PDE8B: variants seen among roughly 807,000 people sequenced by gnomAD.
PDE8B encodes high affinity cAMP-specific and IBMX-insensitive 3',5'-cyclic phosphodiesterase 8B.
PDE8B carries 26 observed loss-of-function variants against 101.3 expected under a neutral mutation model. That is an observed-to-expected ratio of 0.26 (90% CI 0.19 to 0.36). The LOEUF (loss-of-function observed/expected upper bound fraction) is 0.36. Among genes scored for constraint, PDE8B ranks in the 10% least tolerant of loss-of-function variants. The pLI is 1.00. For missense variants in PDE8B, 810 were observed against 1,163.1 expected (o/e 0.70, Z 4.42); for synonymous variants, 424 against 429.3 (o/e 0.99, Z 0.15).
intron 1 of PDE8B, among the ~76,000 whole-genome samples, chr5:77,232,494 G>A (rs537554016): frequency 4.6e-5 from 7 of 152,202 alleles, no homozygotes; most frequent in Admixed American, 1.3e-4. Flanking sequence ...AATGTCTTTC[G>A]TAGCTCATAG....
At chr5:77,425,959 G>A in intron 21 of PDE8B, 63 bp downstream of exon 21, 1 of 1,480,360 alleles carries the variant, frequency 6.8e-7, no homozygotes, top group Middle Eastern at 1.9e-4. Context: ...ATTATCTTTA[G>A]TGACACAGGG....
the PDE8B span, among the ~76,000 whole-genome samples, chr5:77,115,904 C>T: frequency 2.6e-5 from 4 of 152,096 alleles, no homozygotes; most frequent in Non-Finnish European, 4.4e-5. Context: ...TTAACGTGAA[C>T]AATTTCATTC....
chr5:77,288,750 A>G (rs1416652054), intron 1 of PDE8B, among the ~76,000 whole-genome samples: 1 of 152,034 alleles, frequency 6.6e-6, no homozygotes, highest in Non-Finnish European at 1.5e-5. Flanking sequence ...TGATTTGTCC[A>G]TGACCACACA....
chr5:77,312,105 CT>C (rs11395504), intron 2 of PDE8B, 52 bp downstream of exon 2: 43,132 of 841,342 alleles, frequency 0.051, no homozygotes, highest in Non-Finnish European at 0.062. Context: ...TTTTTTTTTT[CT>C]TTTTTTTTTT....
chr5:77,287,691 T>G (rs1766342594), intron 1 of PDE8B, among the ~76,000 whole-genome samples: 1 of 152,314 alleles, frequency 6.6e-6, no homozygotes, highest in Middle Eastern at 3.4e-3. Context: ...TTTTCTTTTT[T>G]TCTGACATAT....
At chr5:77,363,302 G>A (rs1000501411) in intron 10 of PDE8B, among the ~76,000 whole-genome samples, 3 of 152,170 alleles carry the variant, frequency 2.0e-5, no homozygotes, top group Non-Finnish European at 4.4e-5. Context: ...TGGAAATAAA[G>A]GAAGCACAAG....
At chr5:77,204,680 A>G in the PDE8B span, among the ~76,000 whole-genome samples, 7 of 152,110 alleles carry the variant, frequency 4.6e-5, no homozygotes, top group Admixed American at 4.6e-4. Context: ...CACCAAGTTT[A>G]GTTCTGCCTC....
chr5:77,210,598 G>A (rs1342097115), upstream of PDE8B: 1 of 979,316 alleles, frequency 1.0e-6, no homozygotes, highest in Non-Finnish European at 1.2e-6. This position sits in a 1 kb window ranked among gnomAD's most constrained non-coding sequence, Gnocchi z 4.9. Flanking sequence ...CGCCGAGGGA[G>A]GAGGGGAAGG....
the PDE8B span, among the ~76,000 whole-genome samples, chr5:77,150,721 G>A: frequency 6.6e-6 from 1 of 152,178 alleles, no homozygotes; most frequent in Non-Finnish European, 1.5e-5. Context: ...AGGAGACACT[G>A]GTTTTAACTG....
At chr5:77,399,518 C>A (rs1320012807) in intron 10 of PDE8B, among the ~76,000 whole-genome samples, 1 of 152,196 alleles carries the variant, frequency 6.6e-6, no homozygotes, top group African/African-American at 2.4e-5. Flanking sequence ...AGCAGTGAAG[C>A]CGCATGATTA....
At chr5:77,294,253 T>G (rs550113095) in intron 1 of PDE8B, among the ~76,000 whole-genome samples, 1 of 152,282 alleles carries the variant, frequency 6.6e-6, no homozygotes, top group South Asian at 2.1e-4. Context: ...GCCAAACCAC[T>G]GACCGTAACA....
intron 10 of PDE8B, among the ~76,000 whole-genome samples, chr5:77,363,705 C>A (rs1337086029): frequency 6.9e-6 from 1 of 144,964 alleles, no homozygotes; most frequent in African/African-American, 2.5e-5. Context: ...GAGCAAGACT[C>A]CATCGCAGAA....
chr5:77,421,691 A>T lies in PDE8B; in HGVS notation c.2251-130A>T. 3 of 801,240 alleles carry T rather than the reference A, an allele frequency of 3.7e-6. No homozygotes were observed. In the East Asian group the frequency reaches 8.0e-5, roughly 21 times the overall value. 49.6% of individuals were successfully genotyped at this position (801,240 alleles called of 1,614,324 possible). On this transcript the variant is annotated intron_variant, in intron 19 of 21. Coordinates refer to ENST00000264917, the MANE Select transcript of PDE8B (RefSeq NM_003719.5). ...TATTATATATGGAATTTAAAAAAGG[A>T]AAAGCTGCCTTCGCCGAGTCCCAGT...
At chr5:77,391,420 T>C (rs1257091007) in intron 10 of PDE8B, among the ~76,000 whole-genome samples, 3 of 152,068 alleles carry the variant, frequency 2.0e-5, no homozygotes, top group Non-Finnish European at 4.4e-5. Context: ...CAAGGAGTTA[T>C]CTCCATGCTG....
At chr5:77,414,307 G>A (rs1795099328) in intron 17 of PDE8B, among the ~76,000 whole-genome samples, 2 of 152,186 alleles carry the variant, frequency 1.3e-5, no homozygotes, top group South Asian at 2.1e-4. Flanking sequence ...GAATAATTTT[G>A]TCTTCTACTT....
At chr5:77,425,669 T>C in intron 20 of PDE8B, 98 bp from the exon 21 acceptor site, 2 of 1,249,568 alleles carry the variant, frequency 1.6e-6, no homozygotes, top group East Asian at 2.3e-5. Context: ...GAAAACTGGA[T>C]AATGACCCAT....
intron 1 of PDE8B, among the ~76,000 whole-genome samples, chr5:77,300,311 A>T (rs1369773053): frequency 6.6e-6 from 1 of 152,182 alleles, no homozygotes; most frequent in Non-Finnish European, 1.5e-5. Context: ...ACCGTTTTTT[A>T]AAAGAAATAT....
chr5:77,097,550 A>C, the PDE8B span, among the ~76,000 whole-genome samples: 1 of 150,326 alleles, frequency 6.7e-6, no homozygotes, highest in Admixed American at 6.7e-5. Context: ...CCCATAAATC[A>C]TTGATTTACT....
intron 14 of PDE8B, chr5:77,410,952 G>C (rs1479317498): frequency 6.6e-6 from 1 of 152,142 alleles, no homozygotes; most frequent in Non-Finnish European, 1.5e-5. Flanking sequence ...TGACTTTTAA[G>C]CAAAGATCTA....
Sources: allele counts gnomAD v4.1 joint callset (sites outside exome capture counted in the v4.1 genomes callset), GRCh38; gene constraint gnomAD v4.1.1; non-coding constraint Gnocchi (gnomAD v3.1); transcripts MANE v1.5; gene names NCBI Gene and HGNC (gene_info 2026-07-23, HGNC 2026-07-21).